The following SLC9A9 variants were observed in gnomAD, a reference collection of about 807,000 sequenced individuals.
SLC9A9 encodes the protein sodium/hydrogen exchanger 9.
In SLC9A9, 62 loss-of-function variants were observed where a neutral mutation model predicts 77.8. The observed-to-expected ratio is 0.80, with a 90% CI of 0.65 to 0.98. The LOEUF (loss-of-function observed/expected upper bound fraction) is 0.98, where lower values mean the gene tolerates loss of function less well. SLC9A9 is among the 50% of genes least tolerant of loss of function. The probability of loss-of-function intolerance (pLI) is 0.00; values close to 1 mark genes in which losing one functional copy is unlikely to be tolerated. For missense variants in SLC9A9, 775 were observed against 774.9 expected, an observed-to-expected ratio of 1.00 and a Z score of 0.00; for synonymous variants, 320 against 283.5, an observed-to-expected ratio of 1.13 and a Z score of -1.29.
At chr3:143,304,237 G>C (rs2030673395) in intron 14 of SLC9A9, among the ~76,000 whole-genome samples, 2 of 152,212 alleles carry the variant, frequency 1.3e-5, no homozygotes, top group South Asian at 4.1e-4. Flanking sequence ...ACATAGGTGA[G>C]ATTTCTCCTA....
At chr3:143,632,935 C>T (rs1214363528) in intron 6 of SLC9A9, among the ~76,000 whole-genome samples, 2 of 152,188 alleles carry the variant, frequency 1.3e-5, no homozygotes, top group Admixed American at 1.3e-4. Context: ...ATCAGTTAAA[C>T]AACTGGTTGG....
chr3:143,308,864 C>A (rs2030913582), intron 14 of SLC9A9, among the ~76,000 whole-genome samples: 1 of 152,124 alleles, frequency 6.6e-6, no homozygotes, highest in African/African-American at 2.4e-5. Context: ...TCCAGAAAGA[C>A]ACCTGAATTT....
At chr3:143,759,436 T>C (rs2007038427) in intron 4 of SLC9A9, among the ~76,000 whole-genome samples, 1 of 152,116 alleles carries the variant, frequency 6.6e-6, no homozygotes, top group Non-Finnish European at 1.5e-5. Flanking sequence ...TGAGAAACTG[T>C]CAATGCAGGC....
intron 4 of SLC9A9, among the ~76,000 whole-genome samples, chr3:143,700,642 C>A (rs578089875): frequency 1.2e-4 from 18 of 152,290 alleles, no homozygotes; most frequent in African/African-American, 4.3e-4. Context: ...CCAGCTTAGT[C>A]ATAGTAAAAC....
At position 143,381,935 on chromosome 3, in the gene SLC9A9, T is replaced by C. The variant is rs981684354; in HGVS notation, c.1524+125A>G. The C allele has an allele frequency of 6.4e-6, 7 of 1,097,058 alleles. No individual in the cohort carries two copies. In the Admixed American group the frequency reaches 6.9e-5, roughly 11 times the overall value. The allele number at this position is 1,097,058 out of a possible 1,614,324, so 68.0% of individuals were successfully genotyped here. A position where few individuals can be genotyped will look rare whatever the true frequency, so the allele number is the denominator to read the frequency against. On this transcript the variant is annotated intron_variant, in intron 13 of 15. Coordinates refer to ENST00000316549, the MANE Select transcript of SLC9A9 (RefSeq NM_173653.4). ...TTGTATTTTATTGTAATCTCATTTG[T>C]TTTATCAGCAGAGGAAGCTCCGTTT...
intron 11 of SLC9A9, among the ~76,000 whole-genome samples, chr3:143,486,367 A>G (rs1041870434): frequency 2.6e-5 from 4 of 152,142 alleles, no homozygotes; most frequent in African/African-American, 9.7e-5. Flanking sequence ...ATATGAAGAA[A>G]CAGAGAACTC....
At chr3:143,733,177 G>A (rs1232726796) in intron 4 of SLC9A9, among the ~76,000 whole-genome samples, 1 of 152,002 alleles carries the variant, frequency 6.6e-6, no homozygotes, top group Admixed American at 6.5e-5. Flanking sequence ...AATGGCTTTT[G>A]AGTCTTTTCT....
At chr3:143,328,190 T>C (rs990182248) in intron 14 of SLC9A9, among the ~76,000 whole-genome samples, 2 of 152,230 alleles carry the variant, frequency 1.3e-5, no homozygotes, top group Admixed American at 1.3e-4. Context: ...ATGTAAACTA[T>C]GGACTTCGGC....
At chr3:143,793,998 T>C (rs2008297014) in intron 4 of SLC9A9, among the ~76,000 whole-genome samples, 1 of 152,228 alleles carries the variant, frequency 6.6e-6, no homozygotes, top group Non-Finnish European at 1.5e-5. Context: ...ATTTTCTCAC[T>C]GCCTTAAACC....
At chr3:143,555,289 G>A (rs116230766) in intron 8 of SLC9A9, among the ~76,000 whole-genome samples, 5,419 of 152,242 alleles carry the variant, frequency 0.036, 143 homozygotes, top group South Asian at 0.092. Context: ...CCCCAGCTAC[G>A]TGGAACTTTG....
At chr3:143,824,121 C>T (rs959004845) in intron 2 of SLC9A9, among the ~76,000 whole-genome samples, 1 of 152,136 alleles carries the variant, frequency 6.6e-6, no homozygotes, top group Non-Finnish European at 1.5e-5. Context: ...GCACTTCCTG[C>T]CCCTAGGAGC....
intron 6 of SLC9A9, among the ~76,000 whole-genome samples, chr3:143,626,098 T>C (rs1280927867): frequency 2.0e-5 from 3 of 152,152 alleles, no homozygotes; most frequent in Non-Finnish European, 4.4e-5. Flanking sequence ...ATGGCGATCA[T>C]TAAAAAGTCA....
intron 2 of SLC9A9, among the ~76,000 whole-genome samples, chr3:143,801,649 G>A (rs959788222): frequency 6.6e-6 from 1 of 152,084 alleles, no homozygotes; most frequent in Non-Finnish European, 1.5e-5. Context: ...TTGGTTTACT[G>A]ATGGCAGCTC....
At chr3:143,416,430 GC>G (rs1203304745) in intron 12 of SLC9A9, among the ~76,000 whole-genome samples, 3 of 152,102 alleles carry the variant, frequency 2.0e-5, no homozygotes, top group Non-Finnish European at 4.4e-5. Flanking sequence ...TATTGCCACA[GC>G]CTCCCTAGCC....
chr3:143,397,454 T>C (rs1168337592), intron 12 of SLC9A9, among the ~76,000 whole-genome samples: 6 of 152,216 alleles, frequency 3.9e-5, no homozygotes. Flanking sequence ...CTTTATATGT[T>C]GGTATGAAAC....
intron 11 of SLC9A9, among the ~76,000 whole-genome samples, chr3:143,470,032 T>C (rs891632700): frequency 1.3e-5 from 2 of 152,200 alleles, no homozygotes; most frequent in African/African-American, 4.8e-5. Context: ...TTAATAGTGT[T>C]CTCACCAGGA....
chr3:143,517,585 T>G, intron 9 of SLC9A9: 1 of 1,597,574 alleles, frequency 6.3e-7, no homozygotes, highest in South Asian at 1.1e-5. Flanking sequence ...CACTAGCATC[T>G]TCATCATAAT....
intron 5 of SLC9A9, among the ~76,000 whole-genome samples, chr3:143,684,821 T>A (rs1406623389): frequency 6.6e-6 from 1 of 152,006 alleles, no homozygotes. Context: ...TTATTATGCA[T>A]CAAAGCAGAA....
chr3:143,504,720 T>C (rs1040477530), intron 9 of SLC9A9, among the ~76,000 whole-genome samples: 1 of 152,198 alleles, frequency 6.6e-6, no homozygotes, highest in Non-Finnish European at 1.5e-5. Context: ...TTACATACTT[T>C]AACAATTTTT....
Sources: allele counts gnomAD v4.1 joint callset (sites outside exome capture counted in the v4.1 genomes callset), GRCh38; gene constraint gnomAD v4.1.1; transcripts MANE v1.5; gene names NCBI Gene and HGNC (gene_info 2026-07-23, HGNC 2026-07-21).